Variants in DCP1A observed in about 807,000 individuals in gnomAD.
DCP1A encodes the protein decapping mRNA 1A.
In DCP1A, 20 loss-of-function variants were observed where a neutral mutation model predicts 58.0. The observed-to-expected ratio is 0.34, with a 90% CI of 0.24 to 0.50. DCP1A has a LOEUF of 0.50. Among genes scored for constraint, DCP1A ranks in the 20% least tolerant of loss-of-function variants. The pLI is 0.98. For missense variants in DCP1A, 613 were observed against 712.2 expected, an observed-to-expected ratio of 0.86 and a Z score of 1.59; for synonymous variants, 285 against 275.1, an observed-to-expected ratio of 1.04 and a Z score of -0.36.
At chr3:53,336,263 G>A (rs532335127) in intron 3 of DCP1A, among the ~76,000 whole-genome samples, 5 of 152,056 alleles carry the variant, frequency 3.3e-5, no homozygotes, top group African/African-American at 4.8e-5. Context: ...CTGCCACCAC[G>A]CCAGGCTAAT....
chr3:53,292,060 T>C lies in DCP1A; in HGVS notation c.1383+9A>G. 1 of 1,018,026 alleles carries C rather than the reference T, an allele frequency of 9.8e-7. No homozygotes were observed. Among genetic ancestry groups the C allele is most frequent in the Non-Finnish European group, 1.5e-6 (1 of 681,174 alleles). The allele number at this position is 1,018,026 out of a possible 1,614,324, so 63.1% of individuals were successfully genotyped here. A position where few individuals can be genotyped will look rare whatever the true frequency, so the allele number is the denominator to read the frequency against. On this transcript the variant is annotated intron_variant, in intron 7 of 9. Transcript: ENST00000610213. ...CCCACTCTGCCCACCCCCACCCTCC[T>C]GCCATTACCTGAAGGGGAGCAAGCA...
chr3:53,288,760 G>C (rs1706742400), intron 8 of DCP1A, among the ~76,000 whole-genome samples: 1 of 152,120 alleles, frequency 6.6e-6, no homozygotes, highest in Non-Finnish European at 1.5e-5. Flanking sequence ...GTTTTGGCTG[G>C]GCGCAGTGGT....
chr3:53,329,025 C>T (rs782691758), intron 3 of DCP1A: 8 of 230,514 alleles, frequency 3.5e-5, no homozygotes, highest in Non-Finnish European at 5.8e-5. Context: ...AAGAATGAAT[C>T]ACGGAAATTT....
In DCP1A at chr3:53,286,101, G is replaced by A. The variant is rs1706624587; in HGVS notation, c.*1479C>T. ...ACTAAGACCAAACTAAAACAAGTAT[G>A]TAATTCACAAGTAATTTTCTAAAAT... On this transcript the variant is annotated 3_prime_UTR_variant, in exon 10 of 10. Coordinates refer to ENST00000610213, the MANE Select transcript of DCP1A (RefSeq NM_018403.7). 1 of 152,076 alleles carries A rather than the reference G, an allele frequency of 6.6e-6. No individual in the cohort carries two copies. The highest frequency in any genetic ancestry group is 1.5e-5 in the Non-Finnish European group (1 of 68,004). The allele number at this position is 152,076 out of a possible 1,614,324, so 9.4% of individuals were successfully genotyped here.
chr3:53,293,645 G>T (rs1707008920), intron 6 of DCP1A, among the ~76,000 whole-genome samples: 1 of 152,114 alleles, frequency 6.6e-6, no homozygotes, highest in Admixed American at 6.6e-5. Context: ...TGAATTAGTT[G>T]TTTAGATCTG....
intron 3 of DCP1A, among the ~76,000 whole-genome samples, chr3:53,329,767 A>C (rs2088951479): frequency 6.6e-6 from 1 of 152,264 alleles, no homozygotes; most frequent in Non-Finnish European, 1.5e-5. Context: ...TACAGAAAAC[A>C]TTAAAAAATA....
chr3:53,310,902 A>C (rs1248196016), intron 5 of DCP1A, among the ~76,000 whole-genome samples: 7 of 152,238 alleles, frequency 4.6e-5, no homozygotes, highest in African/African-American at 1.7e-4. Context: ...TAGTCAGAAG[A>C]AACTATCTTT....
At chr3:53,344,617 G>C (rs960744090) in intron 2 of DCP1A, among the ~76,000 whole-genome samples, 5 of 152,154 alleles carry the variant, frequency 3.3e-5, no homozygotes, top group Non-Finnish European at 7.3e-5. Context: ...TTTCTAATAT[G>C]GGGGTAGGAA....
At chr3:53,290,045 A>T (rs1706796325) in intron 8 of DCP1A, among the ~76,000 whole-genome samples, 1 of 152,188 alleles carries the variant, frequency 6.6e-6, no homozygotes, top group African/African-American at 2.4e-5. Flanking sequence ...TTTAAACTCC[A>T]AGATGTAAGA....
At chr3:53,291,975 G>A (rs1706892405) in intron 7 of DCP1A, 94 bp downstream of exon 7, 1 of 1,348,980 alleles carries the variant, frequency 7.4e-7, no homozygotes, top group East Asian at 2.5e-5. Flanking sequence ...TCTAAAAATT[G>A]TCATGTCATG....
chr3:53,339,205 G>A (rs1269480123), intron 3 of DCP1A, among the ~76,000 whole-genome samples: 1 of 149,138 alleles, frequency 6.7e-6, no homozygotes, highest in Admixed American at 6.6e-5. Context: ...ACACACACTC[G>A]AGAGGGCTTA....
At chr3:53,311,133 GC>G (rs1707630991) in intron 5 of DCP1A, among the ~76,000 whole-genome samples, 1 of 152,192 alleles carries the variant, frequency 6.6e-6, no homozygotes, top group Non-Finnish European at 1.5e-5. Flanking sequence ...CCAATTTGAA[GC>G]TTTTTTCAGG....
chr3:53,315,113 C>G (rs1707763633), intron 4 of DCP1A, among the ~76,000 whole-genome samples: 1 of 152,194 alleles, frequency 6.6e-6, no homozygotes, highest in East Asian at 1.9e-4. Context: ...TCATGCCATT[C>G]TCCTTTCCTT....
intron 2 of DCP1A, among the ~76,000 whole-genome samples, chr3:53,343,557 T>G (rs1218354152): frequency 2.6e-5 from 4 of 152,162 alleles, no homozygotes; most frequent in African/African-American, 9.7e-5. Context: ...TTCTAGAGAT[T>G]TATATTGCTA....
At chr3:53,340,709 G>A (rs1410275833) in intron 3 of DCP1A, among the ~76,000 whole-genome samples, 1 of 152,116 alleles carries the variant, frequency 6.6e-6, no homozygotes, top group Non-Finnish European at 1.5e-5. Context: ...TATCCCTATA[G>A]TCAATGTCCA....
intron 4 of DCP1A, among the ~76,000 whole-genome samples, chr3:53,315,239 T>C (rs2106841490): frequency 6.6e-6 from 1 of 152,160 alleles, no homozygotes; most frequent in Non-Finnish European, 1.5e-5. Context: ...AACTTTTTAT[T>C]GTTAAAAAGA....
intron 5 of DCP1A, among the ~76,000 whole-genome samples, chr3:53,308,985 C>T (rs1222265385): frequency 6.6e-6 from 1 of 152,036 alleles, no homozygotes; most frequent in Non-Finnish European, 1.5e-5. Context: ...CCATCCGCAC[C>T]CCCCTGACCA....
chr3:53,313,389 A>T (rs1053979576), intron 4 of DCP1A, among the ~76,000 whole-genome samples: 7 of 151,870 alleles, frequency 4.6e-5, no homozygotes, highest in Non-Finnish European at 1.0e-4. Context: ...ACTGCACTCC[A>T]GCCTGGGTAA....
At chr3:53,315,937 C>CT (rs1707798454) in intron 4 of DCP1A, among the ~76,000 whole-genome samples, 1 of 151,654 alleles carries the variant, frequency 6.6e-6, no homozygotes, top group Admixed American at 6.6e-5. Flanking sequence ...TGTATTTTTA[C>CT]TAGAGACGAG....
Sources: gnomAD v4.1 joint callset for allele counts (sites outside exome capture counted in the v4.1 genomes callset) on GRCh38, gnomAD v4.1.1 for gene constraint, MANE v1.5 for transcripts, NCBI Gene and HGNC (gene_info 2026-07-23, HGNC 2026-07-21) for gene names.